The following TIMP2 variants were observed in gnomAD, a reference collection of about 807,000 sequenced individuals.
TIMP2 encodes the protein metalloproteinase inhibitor 2.
In TIMP2, 5 loss-of-function variants were observed where a neutral mutation model predicts 24.3. The observed-to-expected ratio is 0.21, with a 90% CI of 0.11 to 0.43. The LOEUF is 0.43. TIMP2 is among the 20% of genes least tolerant of loss of function. The probability of loss-of-function intolerance (pLI) is 1.00; values close to 1 mark genes in which losing one functional copy is unlikely to be tolerated. For synonymous variants in TIMP2, 130 were observed against 123.2 expected (o/e 1.06, Z -0.37); for missense variants, 221 against 297.5 (o/e 0.74, Z 1.89).
chr17:78,905,735 C>T (rs1177217291), intron 1 of TIMP2, among the ~76,000 whole-genome samples: 4 of 152,258 alleles, frequency 2.6e-5, no homozygotes, highest in African/African-American at 9.6e-5. Flanking sequence ...TGGATTAATC[C>T]GCCCTGCTAA....
At chr17:78,869,320 G>C (rs1204334088) in intron 3 of TIMP2, among the ~76,000 whole-genome samples, 6 of 151,826 alleles carry the variant, frequency 4.0e-5, no homozygotes, top group Non-Finnish European at 7.4e-5. Flanking sequence ...CACTTTGGGA[G>C]GCTGAGGCGA....
chr17:78,912,444 T>C (rs932152501), intron 1 of TIMP2, among the ~76,000 whole-genome samples: 1 of 152,020 alleles, frequency 6.6e-6, no homozygotes, highest in Non-Finnish European at 1.5e-5. Context: ...CCAGATTCTG[T>C]CCCTGAAGAT....
chr17:78,874,085 T>C (rs2069709068), intron 1 of TIMP2, 166 bp from the exon 2 acceptor site: 1 of 562,570 alleles, frequency 1.8e-6, no homozygotes. Flanking sequence ...CGGCATGGCG[T>C]CTCCTCCTCC....
Position 78,891,259 on chromosome 17 carries a change from C to T in TIMP2, c.131-17340G>A. 3.2e-6 allele frequency: 5 copies of T among 1,550,674 alleles called. No homozygotes were observed. ...TCAAGTCGGTCTTGGACGCTGCCTG[C>T]TGCGCCTCCTCCTCTGCTGGGCTCC... On this transcript the variant is annotated intron_variant, in intron 1 of 4. Coordinates refer to ENST00000262768, the MANE Select transcript of TIMP2 (RefSeq NM_003255.5). The surrounding 1 kb of genome is among the most constrained non-coding windows in gnomAD (Gnocchi z 4.5).
intron 1 of TIMP2, among the ~76,000 whole-genome samples, chr17:78,912,046 A>G (rs999463736): frequency 1.3e-5 from 2 of 152,068 alleles, no homozygotes; most frequent in African/African-American, 4.8e-5. Flanking sequence ...CCTGGACAAC[A>G]GAGTGAGACT....
chr17:78,880,878 T>C lies in TIMP2; in HGVS notation c.131-6959A>G, dbSNP rs370615709. On this transcript the variant is annotated intron_variant, in intron 1 of 4. Coordinates refer to ENST00000262768, the MANE Select transcript of TIMP2 (RefSeq NM_003255.5). Reference sequence around the variant, plus strand: ...CTCTGCCGGGCTCCCAGGCCCAAGTTTGGGACAGGCAAACCGGTGGATATC... The same window carrying C: ...CTCTGCCGGGCTCCCAGGCCCAAGTCTGGGACAGGCAAACCGGTGGATATC... Among the ~76,000 whole-genome samples the C allele has an allele frequency of 2.3e-4, 35 of 152,322 alleles. No individual in the cohort carries two copies. The East Asian group carries it at 5.4e-3, about 24-fold the overall frequency.
rs561101598 is a variant in TIMP2, at chr17:78,855,201, T to C, written c.*466A>G. ...GCAGGGAGTGCAGAGGCGTGGAAGC[T>C]GCAGAAAACAAGGGCCATGTCCCTC... On this transcript the variant is annotated 3_prime_UTR_variant, in exon 5 of 5. Coordinates refer to ENST00000262768, the MANE Select transcript of TIMP2 (RefSeq NM_003255.5). The surrounding 1 kb of genome is among the most constrained non-coding windows in gnomAD (Gnocchi z 6.0). The C allele has an allele frequency of 2.1e-4, 38 of 177,236 alleles. No individual in the cohort carries two copies. The highest frequency in any genetic ancestry group is 5.6e-3 in the Middle Eastern group (2 of 356). 11.0% of individuals were successfully genotyped at this position (177,236 alleles called of 1,614,324 possible).
intron 1 of TIMP2, among the ~76,000 whole-genome samples, chr17:78,900,452 G>A (rs1261194317): frequency 6.6e-6 from 1 of 151,870 alleles, no homozygotes; most frequent in Non-Finnish European, 1.5e-5. Flanking sequence ...GGCTGAGGCA[G>A]GAGAATCACT....
intron 1 of TIMP2, among the ~76,000 whole-genome samples, chr17:78,878,335 G>A (rs1051266087): frequency 1.3e-5 from 2 of 152,210 alleles, no homozygotes; most frequent in African/African-American, 4.8e-5. Flanking sequence ...GATGACAACA[G>A]TCTTGACACT....
chr17:78,875,501 T>C (rs1283932435), intron 1 of TIMP2, among the ~76,000 whole-genome samples: 1 of 152,180 alleles, frequency 6.6e-6, no homozygotes, highest in Non-Finnish European at 1.5e-5. Context: ...AGATCAGTAG[T>C]TCATGCTGTC....
chr17:78,854,921 C>CGGGG lies in TIMP2; in HGVS notation c.*742_*745dup, dbSNP rs71161632. On this transcript the variant is annotated 3_prime_UTR_variant, in exon 5 of 5. Transcript: ENST00000262768. ...TCCTGCAAGCTGGGGAGCATGTGGG[C>CGGGG]GGGGGGGGGGGGGTGGGGGGGTGGG... The CGGGG allele has an allele frequency of 1.8e-4, 7 of 39,080 alleles. No homozygotes were observed. The highest frequency in any genetic ancestry group is 3.9e-4 in the African/African-American group (4 of 10,250). The allele number at this position is 39,080 out of a possible 1,614,324, so 2.4% of individuals were successfully genotyped here. A position where few individuals can be genotyped will look rare whatever the true frequency, so the allele number is the denominator to read the frequency against.
intron 1 of TIMP2, chr17:78,892,231 G>A (rs1161193194): frequency 9.0e-6 from 14 of 1,550,878 alleles, no homozygotes; most frequent in South Asian, 5.9e-5. Flanking sequence ...TCTGCAGAGC[G>A]AGATCGCCTT....
Position 78,920,469 on chromosome 17 carries a change from A to G in TIMP2, c.130+4490T>C, listed in dbSNP as rs2070300936. On this transcript the variant is annotated intron_variant, in intron 1 of 4. Transcript: ENST00000262768. This position sits in a 1 kb window ranked among gnomAD's most constrained non-coding sequence, Gnocchi z 4.5. ...GAGAGCTCCTTCCAGCACCTGCCAT[A>G]CCTCCAGGCTGTGCACAGCTCTCCC... Among the ~76,000 whole-genome samples, 1 of 151,728 alleles carries G rather than the reference A, an allele frequency of 6.6e-6. No individual in the cohort carries two copies. Among genetic ancestry groups the G allele is most frequent in the South Asian group, 2.1e-4 (1 of 4,802 alleles).
chr17:78,891,044 A>G lies in TIMP2; in HGVS notation c.131-17125T>C, dbSNP rs2069883470. 4.5e-6 allele frequency: 7 copies of G among 1,551,026 alleles called. No individual in the cohort carries two copies. The highest frequency in any genetic ancestry group is 6.1e-6 in the Non-Finnish European group (7 of 1,147,098). ...TCTGTCTGCCTGGTCTTGAAGGTGG[A>G]GCTGAAGGGAGCCCTCTGCCAGCGT... On this transcript the variant is annotated intron_variant, in intron 1 of 4. Coordinates refer to ENST00000262768, the MANE Select transcript of TIMP2 (RefSeq NM_003255.5). This position sits in a 1 kb window ranked among gnomAD's most constrained non-coding sequence, Gnocchi z 4.5.
At position 78,925,158 on chromosome 17, in the gene TIMP2, T is replaced by G. The variant is rs1387812879; in HGVS notation, c.-70A>C. 1.0e-4 allele frequency: 55 copies of G among 530,018 alleles called. No homozygotes were observed. Among genetic ancestry groups the G allele is most frequent in the African/African-American group, 6.3e-4 (23 of 36,660 alleles). The allele number at this position is 530,018 out of a possible 1,614,324, so 32.8% of individuals were successfully genotyped here. A position where few individuals can be genotyped will look rare whatever the true frequency, so the allele number is the denominator to read the frequency against. Reference sequence around the variant, plus strand: ...CCGGGCGCTGCTCGCGGCGGCGGGCTGGGGGCGCGGGCGGGGGCTGAGCCG... The same window carrying G: ...CCGGGCGCTGCTCGCGGCGGCGGGCGGGGGGCGCGGGCGGGGGCTGAGCCG... On this transcript the variant is annotated 5_prime_UTR_variant, in exon 1 of 5. Coordinates refer to ENST00000262768, the MANE Select transcript of TIMP2 (RefSeq NM_003255.5).
intron 1 of TIMP2, chr17:78,897,997 C>G (rs938324325): frequency 6.6e-6 from 1 of 152,230 alleles, no homozygotes; most frequent in Admixed American, 6.5e-5. Context: ...ATGACACCAT[C>G]GGATGCAACC....
At chr17:78,864,911 G>A (rs770907263) in intron 3 of TIMP2, among the ~76,000 whole-genome samples, 1 of 151,934 alleles carries the variant, frequency 6.6e-6, no homozygotes, top group Admixed American at 6.6e-5. Context: ...AAAATTAGCT[G>A]GGCGTGGTGG....
intron 1 of TIMP2, among the ~76,000 whole-genome samples, chr17:78,921,021 CACA>C (rs2070304893): frequency 6.6e-6 from 1 of 152,226 alleles, no homozygotes; most frequent in South Asian, 2.1e-4. Context: ...ACATACTTCG[CACA>C]ACGAGTTGCC....
At chr17:78,893,390 TGTGTATGC>T (rs1568001193) in intron 1 of TIMP2, among the ~76,000 whole-genome samples, 6 of 133,578 alleles carry the variant, frequency 4.5e-5, no homozygotes, top group African/African-American at 1.7e-4. Context: ...TGTGCAGGGG[TGTGTATGC>T]AGGGGTGTGT....
Sources: allele counts gnomAD v4.1 joint callset (sites outside exome capture counted in the v4.1 genomes callset), GRCh38; gene constraint gnomAD v4.1.1; non-coding constraint Gnocchi (gnomAD v3.1); transcripts MANE v1.5; gene names NCBI Gene and HGNC (gene_info 2026-07-23, HGNC 2026-07-21).